The following STAU2 variants were observed in gnomAD, a reference collection of about 807,000 sequenced individuals.
STAU2 encodes the protein double-stranded RNA-binding protein Staufen homolog 2.
STAU2 carries 20 observed loss-of-function variants against 65.9 expected under a neutral mutation model. The ratio of observed to expected loss-of-function variants is 0.30; its 90% CI spans 0.21 to 0.44. The LOEUF is 0.44. STAU2 is among the 20% of genes least tolerant of loss of function. The pLI, the probability that STAU2 is intolerant of heterozygous loss-of-function variation, is 1.00. For missense variants in STAU2, 558 were observed against 683.9 expected (o/e 0.82, Z 2.05); for synonymous variants, 232 against 233.9 (o/e 0.99, Z 0.07).
intron 4 of STAU2, 113 bp from the exon 5 acceptor site, chr8:73,688,926 A>G: frequency 4.1e-6 from 5 of 1,228,982 alleles, no homozygotes; most frequent in Non-Finnish European, 5.6e-6. Context: ...GCTAGAGGTG[A>G]CCTTACCTAC....
intron 13 of STAU2, among the ~76,000 whole-genome samples, chr8:73,435,068 C>T (rs75505423): frequency 1.3e-4 from 20 of 151,822 alleles, no homozygotes; most frequent in East Asian, 9.7e-4. Context: ...GTTATCCACA[C>T]GCTCCCTGGC....
At chr8:73,443,968 T>C (rs1343901586) in intron 13 of STAU2, among the ~76,000 whole-genome samples, 2 of 152,178 alleles carry the variant, frequency 1.3e-5, no homozygotes, top group African/African-American at 2.4e-5. Context: ...TAGGTGTTCC[T>C]GGGCAGTAGA....
chr8:73,559,894 C>A (rs1172066677), intron 12 of STAU2, among the ~76,000 whole-genome samples: 1 of 151,776 alleles, frequency 6.6e-6, no homozygotes, highest in African/African-American at 2.4e-5. Flanking sequence ...AATCAAAAAT[C>A]AACAATGCAA....
chr8:73,450,910 G>A (rs1222261224), intron 13 of STAU2, among the ~76,000 whole-genome samples: 3 of 152,142 alleles, frequency 2.0e-5, no homozygotes, highest in African/African-American at 7.2e-5. Flanking sequence ...AGAAGGTGAC[G>A]GCATTTGTAG....
chr8:73,622,212 G>A (rs1178291512), intron 6 of STAU2, among the ~76,000 whole-genome samples: 1 of 77,580 alleles, frequency 1.3e-5, no homozygotes, highest in Non-Finnish European at 2.2e-5. Context: ...TGCAGGCTCC[G>A]CCCCCTGGGG....
chr8:73,608,821 C>A (rs920336897), intron 9 of STAU2, among the ~76,000 whole-genome samples: 3 of 151,778 alleles, frequency 2.0e-5, no homozygotes, highest in Non-Finnish European at 2.9e-5. Context: ...GAAACCCCAT[C>A]TCTACTAAAA....
rs541850455 is a variant in STAU2 at position 73,664,781 on chromosome 8, T to C, written c.410+8326A>G. 3.1e-4 allele frequency among the ~76,000 whole-genome samples: 47 copies of C among 152,254 alleles called. No individual in the cohort carries two copies. In the South Asian group the frequency reaches 9.1e-3, roughly 30 times the overall value. ...CGAGGTGGGCAGATCACTTGAGGTC[T>C]GCAGATCAAGACCAGCCTGGGCAAC... On this transcript the variant is annotated intron_variant, in intron 6 of 14. Coordinates refer to ENST00000524300, the MANE Select transcript of STAU2 (RefSeq NM_001164380.2).
At chr8:73,674,779 A>G (rs1045404207) in intron 5 of STAU2, among the ~76,000 whole-genome samples, 6 of 151,666 alleles carry the variant, frequency 4.0e-5, no homozygotes, top group African/African-American at 1.5e-4. Context: ...ATAAAGAGAC[A>G]CAAATATAAA....
In STAU2 at chr8:73,508,249, T is replaced by C. The variant is rs146504955; in HGVS notation, c.1530+43763A>G. ...ACTAAGCTTAATCATTTCTAGCTTTTGATTTAAAGCAAGCAATATGAAACT... is the reference window on the plus strand; with the variant it reads ...ACTAAGCTTAATCATTTCTAGCTTTCGATTTAAAGCAAGCAATATGAAACT... On this transcript the variant is annotated intron_variant, in intron 13 of 14. Transcript: ENST00000524300. Among the ~76,000 whole-genome samples, 54 of 152,332 alleles carry C rather than the reference T, an allele frequency of 3.5e-4. No individual in the cohort carries two copies. In the East Asian group the frequency reaches 0.01, roughly 28 times the overall value.
intron 5 of STAU2, among the ~76,000 whole-genome samples, chr8:73,687,358 A>ATT (rs1563506924): frequency 1.9e-4 from 2 of 10,698 alleles, no homozygotes; most frequent in African/African-American, 5.0e-4. Flanking sequence ...AATTTATATA[A>ATT]TATAAATATA....
chr8:73,688,512 G>A, intron 5 of STAU2, 142 bp downstream of exon 5: 1 of 726,314 alleles, frequency 1.4e-6, no homozygotes, highest in Non-Finnish European at 2.3e-6. Flanking sequence ...GTGTGTGTGT[G>A]TGTGTGTGTG....
chr8:73,547,167 C>CTA (rs1421955648), intron 13 of STAU2, among the ~76,000 whole-genome samples: 2 of 152,084 alleles, frequency 1.3e-5, no homozygotes, highest in Non-Finnish European at 2.9e-5. Flanking sequence ...TTTTGTTGAA[C>CTA]TATCTTGTGT....
upstream of STAU2, chr8:73,747,387 C>T (rs980231635): frequency 1.7e-5 from 26 of 1,535,260 alleles, no homozygotes; most frequent in Non-Finnish European, 2.2e-5. Flanking sequence ...CCGCTCGTAC[C>T]TTTCCCAGGC....
At chr8:73,663,891 T>TA (rs1817033900) in intron 6 of STAU2, among the ~76,000 whole-genome samples, 1 of 152,254 alleles carries the variant, frequency 6.6e-6, no homozygotes, top group Non-Finnish European at 1.5e-5. Context: ...CTTGTGGCCT[T>TA]ACTAAATTCA....
chr8:73,564,055 T>C lies in STAU2; in HGVS notation c.1223-11736A>G, dbSNP rs182787685. Among the ~76,000 whole-genome samples, 14 of 152,304 alleles carry C rather than the reference T, an allele frequency of 9.2e-5. No homozygotes were observed. The East Asian group carries it at 2.5e-3, about 27-fold the overall frequency. On this transcript the variant is annotated intron_variant, in intron 12 of 14. Transcript: ENST00000524300. ...CCCACACCACCCCCCTAAGTCAGCA[T>C]AGCTTAGTGCCACATAGCTTAGTGC...
At chr8:73,692,802 A>G (rs917603180) in intron 4 of STAU2, among the ~76,000 whole-genome samples, 1 of 152,326 alleles carries the variant, frequency 6.6e-6, no homozygotes, top group East Asian at 1.9e-4. Flanking sequence ...CATCCAGTCA[A>G]TGTATGGGGA....
Position 73,583,012 on chromosome 8 carries a change from C to T in STAU2, c.1162-182G>A, listed in dbSNP as rs575027056. 3.3e-5 allele frequency among the ~76,000 whole-genome samples: 5 copies of T among 152,228 alleles called. No individual in the cohort carries two copies. The South Asian group carries it at 1.0e-3, about 32-fold the overall frequency. ...CTAACATGAAGGGTATCATTTATTC[C>T]TTTTCTGCACCTAAATCTACTTATG... On this transcript the variant is annotated intron_variant, in intron 11 of 14. Coordinates refer to ENST00000524300, the MANE Select transcript of STAU2 (RefSeq NM_001164380.2).
At chr8:73,654,675 T>TATC (rs1426216511) in intron 6 of STAU2, among the ~76,000 whole-genome samples, 1 of 78,684 alleles carries the variant, frequency 1.3e-5, no homozygotes. Context: ...CTCTTTTAAT[T>TATC]ATCAAACCTT....
chr8:73,511,780 T>G (rs564567219), intron 13 of STAU2: 21 of 152,366 alleles, frequency 1.4e-4, no homozygotes, highest in African/African-American at 5.0e-4. Context: ...ATTTACCAAT[T>G]TCTTCTTGTA....
Sources: gnomAD v4.1 joint callset for allele counts (sites outside exome capture counted in the v4.1 genomes callset) on GRCh38, gnomAD v4.1.1 for gene constraint, MANE v1.5 for transcripts, NCBI Gene and HGNC (gene_info 2026-07-23, HGNC 2026-07-21) for gene names.